Variants in DDIAS observed in about 807,000 individuals in gnomAD.
The protein encoded by DDIAS is DNA damage-induced apoptosis suppressor protein.
Under a neutral mutation model 15.7 loss-of-function variants are expected in DDIAS, and 14 were observed. The ratio of observed to expected loss-of-function variants is 0.89; its 90% CI spans 0.59 to 1.39. DDIAS has a LOEUF of 1.39. DDIAS is among the 40% of genes most tolerant of loss of function. The pLI is 0.00. For synonymous variants in DDIAS, 355 were observed against 395.9 expected (o/e 0.90, Z 1.23); for missense variants, 1,035 against 1,130.9 (o/e 0.92, Z 1.22).
chr11:82,930,009 G>A, intron 4 of DDIAS, 148 bp from the exon 5 acceptor site: 1 of 548,846 alleles, frequency 1.8e-6, no homozygotes, highest in Non-Finnish European at 3.2e-6. Context: ...AGAAACTAGA[G>A]AGAACAAACT....
At chr11:82,922,763 G>T (rs1467796686) in intron 3 of DDIAS, 2 of 152,146 alleles carry the variant, frequency 1.3e-5, no homozygotes, top group African/African-American at 4.8e-5. Context: ...AAAGAGCCTT[G>T]TTTTGTCATA....
At position 82,913,763 on chromosome 11, in the gene DDIAS, A is replaced by G. The variant is rs1404620694; in HGVS notation, c.-17+377A>G. On this transcript the variant is annotated intron_variant, in intron 2 of 5. Coordinates refer to ENST00000533655, the MANE Select transcript of DDIAS (RefSeq NM_145018.4). ...AAGATTCATGTAAGTTCATGTACAC[A>G]TTGAATATACCTTATCTGAAATGTT... 5 of 424,410 alleles carry G rather than the reference A, an allele frequency of 1.2e-5. No individual in the cohort carries two copies. In the East Asian group the frequency reaches 3.6e-4, roughly 30 times the overall value. The allele number at this position is 424,410 out of a possible 1,614,324, so 26.3% of individuals were successfully genotyped here.
intron 5 of DDIAS, among the ~76,000 whole-genome samples, chr11:82,930,660 A>C (rs1418300144): frequency 6.6e-6 from 1 of 152,164 alleles, no homozygotes; most frequent in Non-Finnish European, 1.5e-5. Flanking sequence ...GGAACACTGA[A>C]GGCAAAGTAT....
chr11:82,903,704 G>C (rs147932749), intron 1 of DDIAS, among the ~76,000 whole-genome samples: 23 of 152,278 alleles, frequency 1.5e-4, no homozygotes, highest in Non-Finnish European at 2.8e-4. Context: ...AAACAAGTAT[G>C]TGCCATTGGA....
chr11:82,917,568 C>T (rs1860657556), intron 3 of DDIAS, among the ~76,000 whole-genome samples: 1 of 152,120 alleles, frequency 6.6e-6, no homozygotes, highest in African/African-American at 2.4e-5. Context: ...TGGGTTGGTT[C>T]CACGATTTTG....
intron 3 of DDIAS, among the ~76,000 whole-genome samples, chr11:82,920,421 G>A (rs936974640): frequency 2.0e-5 from 3 of 151,946 alleles, no homozygotes; most frequent in South Asian, 2.1e-4. Context: ...GCTGGGTTTC[G>A]GTTTGGTTTG....
chr11:82,934,472 G>C lies in DDIAS; in HGVS notation c.*137G>C, dbSNP rs1285745406. ...AAACAGGACTCTGCTGGGAGCTACT[G>C]TGCCTTTTAAAATATAAAGCCATTG... On this transcript the variant is annotated 3_prime_UTR_variant, in exon 6 of 6. Transcript: ENST00000533655. The C allele has an allele frequency of 2.4e-6, 2 of 847,018 alleles. No homozygotes were observed. The highest frequency in any genetic ancestry group is 3.5e-5 in the African/African-American group (2 of 57,850). The allele number at this position is 847,018 out of a possible 1,614,324, so 52.5% of individuals were successfully genotyped here.
intron 4 of DDIAS, 62 bp downstream of exon 4, chr11:82,929,000 TAAGGCA>T: frequency 6.6e-7 from 1 of 1,524,538 alleles, no homozygotes; most frequent in Non-Finnish European, 8.9e-7. Context: ...TACAAGTTTA[TAAGGCA>T]ATATGCATTT....
chr11:82,916,355 T>C (rs1860632676), intron 3 of DDIAS, among the ~76,000 whole-genome samples: 1 of 152,184 alleles, frequency 6.6e-6, no homozygotes, highest in Admixed American at 6.5e-5. Context: ...ATTAAAAGCA[T>C]AATTCTCTGG....
At position 82,923,716 on chromosome 11, in the gene DDIAS, A is replaced by G. The variant is rs191171694; in HGVS notation, c.114-5061A>G. ...CTCTAGGGCCCCCACGTTAGTTTCAACAAGATCTCTATTCTCATCCTTATA... is the reference window on the plus strand; with the variant it reads ...CTCTAGGGCCCCCACGTTAGTTTCAGCAAGATCTCTATTCTCATCCTTATA... On this transcript the variant is annotated intron_variant, in intron 3 of 5. Transcript: ENST00000533655. 8.5e-5 allele frequency among the ~76,000 whole-genome samples: 13 copies of G among 152,322 alleles called. No homozygotes were observed. The East Asian group carries it at 2.1e-3, about 25-fold the overall frequency.
intron 3 of DDIAS, among the ~76,000 whole-genome samples, chr11:82,922,897 T>C (rs1860784121): frequency 1.3e-5 from 2 of 152,292 alleles, no homozygotes; most frequent in South Asian, 4.1e-4. Context: ...GATGTGATAC[T>C]CTCCCCCCTT....
Position 82,933,650 on chromosome 11 carries a change from G to A in DDIAS, c.2312G>A (p.Cys771Tyr). 1 of 1,613,994 alleles carries A rather than the reference G, an allele frequency of 6.2e-7. No individual in the cohort carries two copies. The highest frequency in any genetic ancestry group is 8.5e-7 in the Non-Finnish European group (1 of 1,179,976). ...NFENSQDFVP[C>Y]SQSTPISGFH... is the part of the protein sequence containing the mutation. ...GAAAATAGTCAAGACTTTGTTCCAT[G>A]TTCACAGTCAACTCCAATTTCAGGG... Residue 771 changes from cysteine to tyrosine, a missense_variant, in exon 6 of 6, where the codon TGT becomes TAT. By Grantham distance (194) the Cys-to-Tyr change is radical (BLOSUM62 -2). Transcript: ENST00000533655.
chr11:82,933,116 C>T lies in DDIAS; in HGVS notation c.1778C>T (p.Thr593Ile). 6.2e-7 allele frequency: 1 copy of T among 1,604,234 alleles called. No homozygotes were observed. The highest frequency in any genetic ancestry group is 8.5e-7 in the Non-Finnish European group (1 of 1,178,758). ...ISVSEMNEKLTTLCYRKYNDV... is the reference protein window; with the variant it reads ...ISVSEMNEKLITLCYRKYNDV... Reference sequence around the variant, plus strand: ...GTTTCAGAAATGAATGAAAAGTTGACAACTCTGTGTTATAGGAAGTATAAT... The same window carrying T: ...GTTTCAGAAATGAATGAAAAGTTGATAACTCTGTGTTATAGGAAGTATAAT... The change falls in exon 6 of 6, where the codon ACA (threonine) becomes ATA (isoleucine). Residue 593 changes from threonine (T) to isoleucine (I), a missense_variant. Thr to Ile is a moderately conservative substitution (Grantham distance 89). Transcript: ENST00000533655.
At chr11:82,915,580 C>A (rs1860616013) in intron 3 of DDIAS, among the ~76,000 whole-genome samples, 1 of 152,128 alleles carries the variant, frequency 6.6e-6, no homozygotes, top group African/African-American at 2.4e-5. Flanking sequence ...TCTAAGTAAT[C>A]CTTGAAGTAG....
rs192914046 is a variant in DDIAS, at chr11:82,910,523, G to A, written c.-116-2764G>A. On this transcript the variant is annotated intron_variant, in intron 1 of 5. Transcript: ENST00000533655. ...TGACCTCAGATGATGTGCCTACCTCGGCCTCCCAAAGTGCTGGGATTATAG... is the reference window on the plus strand; with the variant it reads ...TGACCTCAGATGATGTGCCTACCTCAGCCTCCCAAAGTGCTGGGATTATAG... Among the ~76,000 whole-genome samples the A allele has an allele frequency of 2.4e-3, 363 of 151,056 alleles. 3 individuals carry two copies. Among genetic ancestry groups the A allele is most frequent in the African/African-American group, 8.5e-3 (350 of 41,150 alleles).
intron 3 of DDIAS, among the ~76,000 whole-genome samples, chr11:82,923,644 A>T (rs965911120): frequency 6.6e-6 from 1 of 152,126 alleles, no homozygotes; most frequent in African/African-American, 2.4e-5. Context: ...ATGGAGGGAG[A>T]TGGGATTAGA....
intron 3 of DDIAS, among the ~76,000 whole-genome samples, chr11:82,926,994 T>C (rs1449772052): frequency 3.9e-5 from 6 of 152,214 alleles, no homozygotes; most frequent in Non-Finnish European, 7.3e-5. Flanking sequence ...CATATCATAA[T>C]ATCAGAACTT....
intron 3 of DDIAS, among the ~76,000 whole-genome samples, chr11:82,925,830 T>C (rs1241256126): frequency 6.6e-6 from 1 of 151,294 alleles, no homozygotes; most frequent in Non-Finnish European, 1.5e-5. Context: ...CTACTAAAAA[T>C]ACAAAAAATT....
At chr11:82,911,228 G>T (rs1011858088) in intron 1 of DDIAS, among the ~76,000 whole-genome samples, 2 of 152,120 alleles carry the variant, frequency 1.3e-5, no homozygotes, top group Non-Finnish European at 2.9e-5. Flanking sequence ...GAAGTTTGCT[G>T]CATTGATTAT....
Sources: allele counts gnomAD v4.1 joint callset (sites outside exome capture counted in the v4.1 genomes callset), GRCh38; gene constraint gnomAD v4.1.1; transcripts MANE v1.5; gene names NCBI Gene and HGNC (gene_info 2026-07-23, HGNC 2026-07-21).